Variants in XYLT1 observed in about 807,000 individuals in gnomAD.
XYLT1 encodes xylosyltransferase 1, also known as beta-D-xylosyltransferase 1.
A neutral mutation model predicts 91.3 loss-of-function variants in XYLT1; 36 were observed. The ratio of observed to expected loss-of-function variants is 0.39; its 90% CI spans 0.30 to 0.52. XYLT1 has a LOEUF of 0.52. XYLT1 is among the 20% of genes least tolerant of loss of function. The pLI is 0.68. For missense variants in XYLT1, 1,242 were observed against 1,284.5 expected (o/e 0.97, Z 0.51); for synonymous variants, 588 against 532.0 (o/e 1.11, Z -1.45).
chr16:17,352,503 A>G (rs569968029), intron 2 of XYLT1, among the ~76,000 whole-genome samples: 7 of 152,364 alleles, frequency 4.6e-5, no homozygotes, highest in Admixed American at 3.9e-4. Flanking sequence ...ATTGAATCTA[A>G]GAATAACTGG....
At chr16:17,415,793 G>C (rs535601340) in intron 1 of XYLT1, among the ~76,000 whole-genome samples, 9 of 152,308 alleles carry the variant, frequency 5.9e-5, no homozygotes, top group Middle Eastern at 6.8e-3. Flanking sequence ...AGGAATACGA[G>C]ATTCCATTTG....
At chr16:17,342,576 G>A (rs57005443) in intron 2 of XYLT1, among the ~76,000 whole-genome samples, 1 of 152,130 alleles carries the variant, frequency 6.6e-6, no homozygotes, top group Non-Finnish European at 1.5e-5. Context: ...ACAAAAATTA[G>A]TTGGGCGAGG....
chr16:17,317,367 T>C (rs940275294), intron 2 of XYLT1, among the ~76,000 whole-genome samples: 1 of 151,970 alleles, frequency 6.6e-6, no homozygotes, highest in South Asian at 2.1e-4. Context: ...GCACAGTGGC[T>C]CATGCCTGTC....
chr16:17,150,550 G>C (rs1277264210), intron 6 of XYLT1, among the ~76,000 whole-genome samples: 1 of 152,120 alleles, frequency 6.6e-6, no homozygotes, highest in African/African-American at 2.4e-5. Flanking sequence ...ATATTCTTCT[G>C]TTTAGAATTC....
chr16:17,406,169 A>C (rs1567191820), intron 1 of XYLT1, among the ~76,000 whole-genome samples: 1 of 152,220 alleles, frequency 6.6e-6, no homozygotes, highest in Non-Finnish European at 1.5e-5. Context: ...TGGGCAACAG[A>C]GTGAGACTCT....
intron 2 of XYLT1, among the ~76,000 whole-genome samples, chr16:17,296,794 C>G (rs1200657425): frequency 6.6e-6 from 1 of 152,204 alleles, no homozygotes; most frequent in Non-Finnish European, 1.5e-5. Context: ...AGGGTGAACT[C>G]TGATATTAGC....
intron 2 of XYLT1, among the ~76,000 whole-genome samples, chr16:17,264,202 C>T (rs942030321): frequency 2.0e-5 from 3 of 152,140 alleles, no homozygotes; most frequent in Non-Finnish European, 4.4e-5. Flanking sequence ...GATGTTATGC[C>T]TGTCCATCAG....
chr16:17,314,497 T>C (rs1345931181), intron 2 of XYLT1, among the ~76,000 whole-genome samples: 1 of 152,174 alleles, frequency 6.6e-6, no homozygotes, highest in Non-Finnish European at 1.5e-5. Context: ...CTCCCACCAA[T>C]TGCTCCTCCA....
intron 10 of XYLT1, among the ~76,000 whole-genome samples, chr16:17,119,171 A>G (rs1409011100): frequency 1.3e-5 from 2 of 152,074 alleles, no homozygotes; most frequent in East Asian, 3.9e-4. Flanking sequence ...GGTGCCTACT[A>G]CCATGCTTAG....
At chr16:17,460,763 C>T (rs566081951) in intron 1 of XYLT1, among the ~76,000 whole-genome samples, 8 of 152,218 alleles carry the variant, frequency 5.3e-5, no homozygotes, top group South Asian at 2.1e-4. Context: ...CAAAAATCTA[C>T]GCTGTCTCAC....
At chr16:17,213,859 C>T (rs531628357) in intron 3 of XYLT1, among the ~76,000 whole-genome samples, 160 of 152,184 alleles carry the variant, frequency 1.1e-3, no homozygotes, top group African/African-American at 3.6e-3. Context: ...CCTTGTGATT[C>T]GCCCGCCTCA....
At chr16:17,152,886 T>A (rs1245942334) in intron 6 of XYLT1, among the ~76,000 whole-genome samples, 1 of 152,244 alleles carries the variant, frequency 6.6e-6, no homozygotes, top group African/African-American at 2.4e-5. Context: ...ATAATACCCA[T>A]AAATCATGGG....
Position 17,354,291 on chromosome 16 carries a change from CAG to C in XYLT1, c.402+3719_402+3720del, listed in dbSNP as rs563935478. Among the ~76,000 whole-genome samples, 30 of 152,234 alleles carry C rather than the reference CAG, an allele frequency of 2.0e-4. No homozygotes were observed. The East Asian group carries it at 5.0e-3, about 26-fold the overall frequency. ...TCATTCTATTAATCTGGCCGTTAAG[CAG>C]AGAGTCCTGCTGATGCCAACAGATG... On this transcript the variant is annotated intron_variant, in intron 2 of 11. Coordinates refer to ENST00000261381, the MANE Select transcript of XYLT1 (RefSeq NM_022166.4).
intron 3 of XYLT1, among the ~76,000 whole-genome samples, chr16:17,221,814 G>C (rs886517765): frequency 6.6e-5 from 10 of 152,096 alleles, no homozygotes; most frequent in Non-Finnish European, 1.3e-4. Context: ...GCTTTACATA[G>C]AGCACTAAAA....
rs151321691 is a variant in XYLT1 at position 17,326,987 on chromosome 16, C to G, written c.402+31025G>C. Among the ~76,000 whole-genome samples the G allele has an allele frequency of 5.9e-3, 894 of 152,270 alleles. 7 individuals are homozygous for G. Among genetic ancestry groups the G allele is most frequent in the African/African-American group, 0.021 (854 of 41,546 alleles). ...TGCACAGGCCGCATGTCCATGAAGC[C>G]GACCCTGCTGATGGCAGAAGGCCAA... On this transcript the variant is annotated intron_variant, in intron 2 of 11. Transcript: ENST00000261381.
rs1008699475 is a variant in XYLT1, at chr16:17,396,297, C to G, written c.364-38247G>C. ...TGACGTGAAATACCTGCTGGGTGAG[C>G]CATAGAAGCAAAGCGTTATTTGCTT... On this transcript the variant is annotated intron_variant, in intron 1 of 11. Coordinates refer to ENST00000261381, the MANE Select transcript of XYLT1 (RefSeq NM_022166.4). 3.3e-5 allele frequency among the ~76,000 whole-genome samples: 5 copies of G among 152,138 alleles called. No homozygotes were observed. The East Asian group carries it at 9.6e-4, about 29-fold the overall frequency.
At chr16:17,317,536 G>A (rs951573460) in intron 2 of XYLT1, among the ~76,000 whole-genome samples, 2 of 150,526 alleles carry the variant, frequency 1.3e-5, no homozygotes, top group African/African-American at 4.9e-5. Context: ...AGGCTGAGGT[G>A]GGAGGATGGC....
chr16:17,261,826 G>A (rs2033726950), intron 2 of XYLT1, among the ~76,000 whole-genome samples: 1 of 152,152 alleles, frequency 6.6e-6, no homozygotes, highest in South Asian at 2.1e-4. Context: ...TCCATATTGG[G>A]TCACAGGGCG....
intron 1 of XYLT1, among the ~76,000 whole-genome samples, chr16:17,408,515 T>G (rs2141908682): frequency 6.6e-6 from 1 of 152,312 alleles, no homozygotes; most frequent in Middle Eastern, 3.4e-3. Context: ...CCTCGTTGCC[T>G]AGCACCACAA....
Sources: allele counts gnomAD v4.1 joint callset (sites outside exome capture counted in the v4.1 genomes callset), GRCh38; gene constraint gnomAD v4.1.1; transcripts MANE v1.5; gene names NCBI Gene and HGNC (gene_info 2026-07-23, HGNC 2026-07-21).